The following PHTF2 variants were observed in gnomAD, a reference collection of about 807,000 sequenced individuals.
The protein encoded by PHTF2 is protein PHTF2.
In PHTF2, 60 loss-of-function variants were observed where a neutral mutation model predicts 101.2. The observed-to-expected ratio is 0.59, with a 90% CI of 0.48 to 0.73. The LOEUF (loss-of-function observed/expected upper bound fraction) is 0.73. PHTF2 is among the 30% of genes least tolerant of loss of function. PHTF2 has a pLI of 0.00. For missense variants in PHTF2, 747 were observed against 908.7 expected, an observed-to-expected ratio of 0.82 and a Z score of 2.29; for synonymous variants, 311 against 307.3, an observed-to-expected ratio of 1.01 and a Z score of -0.13.
At chr7:77,949,960 A>C (rs1415175096) in intron 17 of PHTF2, 127 bp downstream of exon 16, 10 of 520,376 alleles carry the variant, frequency 1.9e-5, no homozygotes, top group Non-Finnish European at 3.0e-5. Flanking sequence ...CAAAATGTAA[A>C]ATTTAATAGG....
chr7:77,950,903 A>G (rs1482241695), intron 17 of PHTF2, among the ~76,000 whole-genome samples: 2 of 152,186 alleles, frequency 1.3e-5, no homozygotes, highest in Non-Finnish European at 2.9e-5. Context: ...ATATCATGTT[A>G]GTCTCACCAG....
chr7:77,819,545 G>A (rs1794110848), intron 1 of PHTF2, among the ~76,000 whole-genome samples: 1 of 152,124 alleles, frequency 6.6e-6, no homozygotes. Flanking sequence ...TTATTGATTT[G>A]TATTTGTTGA....
At chr7:77,898,595 G>T (rs968910208) in intron 5 of PHTF2, among the ~76,000 whole-genome samples, 3 of 152,034 alleles carry the variant, frequency 2.0e-5, no homozygotes, top group African/African-American at 7.2e-5. Context: ...CATTATTTGG[G>T]GTAGCTATGT....
rs57283892 is a variant in PHTF2 at position 77,841,075 on chromosome 7, CTTTT to C, written c.45+792_45+795del. 6.5e-5 allele frequency among the ~76,000 whole-genome samples: 5 copies of C among 77,284 alleles called. 1 individual carries two copies. The highest frequency in any genetic ancestry group is 6.8e-5 in the Non-Finnish European group (3 of 43,980). 50.7% of individuals were successfully genotyped at this position (77,284 alleles called of 152,430 possible). ...TTTCTTATATAGGAGAAAAAACAGA[CTTTT>C]TTTTTTTTTTTTTTTTGAGATGGAA... On this transcript the variant is annotated intron_variant, in intron 2 of 19. Coordinates refer to ENST00000416283, the Ensembl canonical transcript of PHTF2.
intron 2 of PHTF2, among the ~76,000 whole-genome samples, chr7:77,849,885 T>A (rs967067756): frequency 3.9e-5 from 6 of 152,240 alleles, no homozygotes; most frequent in African/African-American, 1.4e-4. Flanking sequence ...AATTTGTTCA[T>A]CAGTTGTAAT....
At chr7:77,856,133 C>T (rs1015241671) in intron 3 of PHTF2, among the ~76,000 whole-genome samples, 4 of 151,886 alleles carry the variant, frequency 2.6e-5, no homozygotes, top group African/African-American at 9.7e-5. Context: ...GTGTGCACAC[C>T]CAGCTACTTA....
intron 9 of PHTF2, among the ~76,000 whole-genome samples, chr7:77,912,314 A>G (rs1484312943): frequency 1.3e-5 from 2 of 152,260 alleles, no homozygotes; most frequent in Admixed American, 6.5e-5. Flanking sequence ...TTGCTAGCAT[A>G]TGAATGAGAC....
chr7:77,879,532 A>C (rs1042785773), intron 3 of PHTF2, among the ~76,000 whole-genome samples: 2 of 152,180 alleles, frequency 1.3e-5, no homozygotes, highest in Non-Finnish European at 2.9e-5. Context: ...TTATTTCCAC[A>C]ACCACCTAAT....
intron 3 of PHTF2, among the ~76,000 whole-genome samples, chr7:77,877,272 A>G (rs1248502414): frequency 1.3e-5 from 2 of 151,892 alleles, no homozygotes; most frequent in Middle Eastern, 3.2e-3. Flanking sequence ...TGCCTGGCTA[A>G]TTTTTGTATT....
exon 20 of PHTF2, chr7:77,956,016 A>G (rs1009281392): frequency 6.6e-6 from 1 of 152,598 alleles, no homozygotes; most frequent in East Asian, 1.9e-4. Context: ...CAAGTGTCCA[A>G]TGAGAACTTA....
intron 10 of PHTF2, among the ~76,000 whole-genome samples, chr7:77,922,017 CT>C (rs35763664): frequency 0.051 from 4,909 of 95,380 alleles, 42 homozygotes; most frequent in East Asian, 0.1. Context: ...GTTTATATTC[CT>C]TTTTTTTTTT....
chr7:77,810,964 C>T (rs1270541794), intron 1 of PHTF2, among the ~76,000 whole-genome samples: 3 of 152,086 alleles, frequency 2.0e-5, no homozygotes, highest in East Asian at 1.9e-4. Flanking sequence ...AATGCAATGG[C>T]GCCAGCTTGG....
intron 3 of PHTF2, among the ~76,000 whole-genome samples, chr7:77,870,839 T>C (rs1798457370): frequency 6.6e-6 from 1 of 152,104 alleles, no homozygotes. Flanking sequence ...CAATCCCCAT[T>C]CCAAATACTA....
In PHTF2 at chr7:77,941,635, A is replaced by G. The variant is rs73375895; in HGVS notation, c.1872+976A>G. Among the ~76,000 whole-genome samples, 1,196 of 152,292 alleles carry G rather than the reference A, an allele frequency of 7.9e-3. 21 individuals carry two copies. Among genetic ancestry groups the G allele is most frequent in the African/African-American group, 0.028 (1,149 of 41,566 alleles). ...ATCCTAGTTTAATCTCTAGTCTCCA[A>G]TTTATCACCAATTCCTATCTTTTCT... On this transcript the variant is annotated intron_variant, in intron 15 of 19. Transcript: ENST00000416283.
At chr7:77,921,523 A>T (rs1803457421) in intron 10 of PHTF2, among the ~76,000 whole-genome samples, 1 of 152,220 alleles carries the variant, frequency 6.6e-6, no homozygotes, top group Non-Finnish European at 1.5e-5. Context: ...GGTAAAGTAT[A>T]TGTTACTACT....
intron 2 of PHTF2, chr7:77,854,702 T>C (rs1044006676): frequency 2.8e-6 from 2 of 702,964 alleles, no homozygotes; most frequent in African/African-American, 3.5e-5. Context: ...ACAAAGTTTT[T>C]TGCACTCTTC....
chr7:77,804,420 G>A (rs548648327), intron 1 of PHTF2, among the ~76,000 whole-genome samples: 1 of 152,256 alleles, frequency 6.6e-6, no homozygotes, highest in South Asian at 2.1e-4. Flanking sequence ...CCTTCTCCTG[G>A]GTTTAAGCAA....
intron 1 of PHTF2, among the ~76,000 whole-genome samples, chr7:77,837,695 AT>A (rs1293515576): frequency 2.0e-5 from 3 of 152,168 alleles, no homozygotes; most frequent in African/African-American, 7.2e-5. Context: ...GATTTTTGGT[AT>A]TTATCTAAGT....
chr7:77,862,057 C>CAAA (rs776337296), intron 3 of PHTF2, among the ~76,000 whole-genome samples: 1 of 94,996 alleles, frequency 1.1e-5, no homozygotes, highest in Non-Finnish European at 2.1e-5. Context: ...AACTCCATCT[C>CAAA]AAAAAAAAAA....
Sources: allele counts gnomAD v4.1 joint callset (sites outside exome capture counted in the v4.1 genomes callset), GRCh38; gene constraint gnomAD v4.1.1; transcripts MANE v1.5; gene names NCBI Gene and HGNC (gene_info 2026-07-23, HGNC 2026-07-21).